MIA2: variants seen among roughly 807,000 people sequenced by gnomAD.
MIA2 encodes the protein MIA SH3 domain ER export factor 2.
MIA2 carries 127 observed loss-of-function variants against 167.8 expected under a neutral mutation model. That is an observed-to-expected ratio of 0.76 (90% CI 0.66 to 0.88). MIA2 has a LOEUF of 0.88. Ranked by LOEUF, MIA2 falls within the 40% of genes least tolerant of loss-of-function variation. The pLI is 0.00. For synonymous variants in MIA2, 552 were observed against 541.9 expected, an observed-to-expected ratio of 1.02 and a Z score of -0.26; for missense variants, 1,690 against 1,624.7, an observed-to-expected ratio of 1.04 and a Z score of -0.69.
chr14:39,384,500 A>AT (rs1056317194), intron 23 of MIA2, among the ~76,000 whole-genome samples: 1 of 152,054 alleles, frequency 6.6e-6, no homozygotes, highest in African/African-American at 2.4e-5. Flanking sequence ...TTCAAGTCTT[A>AT]TTTTTTTAAT....
intron 23 of MIA2, among the ~76,000 whole-genome samples, chr14:39,363,709 T>G (rs2074750584): frequency 6.6e-6 from 1 of 152,240 alleles, no homozygotes; most frequent in Admixed American, 6.5e-5. Flanking sequence ...TGGGTACATA[T>G]GTATTTAGAA....
chr14:39,364,831 G>A (rs1265906340), intron 23 of MIA2, among the ~76,000 whole-genome samples: 3 of 147,062 alleles, frequency 2.0e-5, no homozygotes, highest in Non-Finnish European at 4.4e-5. Context: ...TATTTTGATG[G>A]GGATTCCCTT....
intron 6 of MIA2, among the ~76,000 whole-genome samples, chr14:39,259,836 T>A (rs1263734556): frequency 1.3e-5 from 2 of 151,732 alleles, no homozygotes; most frequent in Non-Finnish European, 2.9e-5. Flanking sequence ...TAGGTATCTC[T>A]CCTAATGCTA....
chr14:39,339,005 C>T (rs1423746697), intron 25 of MIA2, among the ~76,000 whole-genome samples: 1 of 152,154 alleles, frequency 6.6e-6, no homozygotes, highest in Non-Finnish European at 1.5e-5. Flanking sequence ...TTTCATGGAG[C>T]CCAGTTTTTC....
intron 26 of MIA2, chr14:39,347,511 C>T: frequency 1.8e-6 from 1 of 556,468 alleles, no homozygotes; most frequent in South Asian, 2.2e-5. Context: ...AAATAATTGC[C>T]ACATGCCATC....
intron 9 of MIA2, among the ~76,000 whole-genome samples, chr14:39,290,654 TAAAAATAC>T (rs2060611322): frequency 6.6e-6 from 1 of 152,212 alleles, no homozygotes; most frequent in Non-Finnish European, 1.5e-5. Context: ...ACAGCTTACG[TAAAAATAC>T]GCTCTTTGAG....
chr14:39,304,619 C>A (rs1191248276), intron 17 of MIA2, among the ~76,000 whole-genome samples: 1 of 152,046 alleles, frequency 6.6e-6, no homozygotes, highest in Non-Finnish European at 1.5e-5. Flanking sequence ...TTTTAAAAAA[C>A]ATGTAAAACC....
At chr14:39,331,249 G>A (rs117255274) in intron 25 of MIA2, among the ~76,000 whole-genome samples, 26,388 of 152,022 alleles carry the variant, frequency 0.17, 2,457 homozygotes, top group Middle Eastern at 0.28. Context: ...TTGGTTTCAA[G>A]TCTTTTTTAT....
intron 13 of MIA2, among the ~76,000 whole-genome samples, chr14:39,297,343 C>T (rs533272186): frequency 5.3e-5 from 8 of 152,106 alleles, no homozygotes; most frequent in Admixed American, 2.0e-4. Context: ...CTGCTTGCCT[C>T]GGCCTCCCAA....
At chr14:39,356,046 A>G (rs1021193551), downstream of MIA2, among the ~76,000 whole-genome samples, 2 of 152,184 alleles carry the variant, frequency 1.3e-5, no homozygotes, top group African/African-American at 2.4e-5. Flanking sequence ...AGGCTTTGGT[A>G]TCAGGATGAT....
chr14:39,328,950 C>T (rs546718542), intron 25 of MIA2, among the ~76,000 whole-genome samples: 1 of 152,138 alleles, frequency 6.6e-6, no homozygotes, highest in Admixed American at 6.5e-5. Context: ...GATATATGGG[C>T]TTTTTTTTGC....
Position 39,247,894 on chromosome 14 carries a change from C to T in MIA2, c.1320C>T (p.Asp440=). The change falls in exon 4 of 29, where the codon GAC becomes GAT. Residue 440 remains aspartate (D), a synonymous_variant. Coordinates refer to ENST00000640607, the MANE Select transcript of MIA2 (RefSeq NM_001329214.4). ...IKIIETEDQI[D]KKPVSEKTDE... Reference sequence around the variant, plus strand: ...TTATAGAAACAGAAGATCAAATAGACAAGAAACCAGTCTCAGAAAAAACAG... The same window carrying T: ...TTATAGAAACAGAAGATCAAATAGATAAGAAACCAGTCTCAGAAAAAACAG... 1.3e-6 allele frequency: 2 copies of T among 1,589,172 alleles called. No individual in the cohort carries two copies. The highest frequency in any genetic ancestry group is 8.5e-7 in the Non-Finnish European group (1 of 1,173,996).
intron 25 of MIA2, 131 bp from the exon 26 acceptor site, chr14:39,345,773 G>C (rs2073103764): frequency 3.0e-6 from 2 of 672,432 alleles, no homozygotes; most frequent in Non-Finnish European, 4.9e-6. Flanking sequence ...ATTGTCTACT[G>C]TTGTCAACCA....
At position 39,247,576 on chromosome 14, in the gene MIA2, C is replaced by T; in HGVS notation, c.1002C>T (p.Ser334=). 6.2e-7 allele frequency: 1 copy of T among 1,613,952 alleles called. No homozygotes were observed. Among genetic ancestry groups the T allele is most frequent in the Non-Finnish European group, 8.5e-7 (1 of 1,179,988 alleles). The change falls in exon 4 of 29, where the codon AGC becomes AGT. Residue 334 remains serine, a synonymous_variant. Coordinates refer to ENST00000640607, the MANE Select transcript of MIA2 (RefSeq NM_001329214.4). ...DTGLELIAEE[S]NPPLQDFPNS... ...GGCTTGAATTAATAGCTGAAGAAAGCAATCCACCACTACAAGATTTTCCCA... is the reference window on the plus strand; with the variant it reads ...GGCTTGAATTAATAGCTGAAGAAAGTAATCCACCACTACAAGATTTTCCCA...
chr14:39,290,978 C>T, intron 9 of MIA2, 41 bp from the exon 10 acceptor site: 2 of 1,526,576 alleles, frequency 1.3e-6, no homozygotes, highest in South Asian at 1.2e-5. Flanking sequence ...ATTTAGAATA[C>T]AATTGGTAGA....
At chr14:39,288,578 G>A (rs1382712161) in intron 9 of MIA2, among the ~76,000 whole-genome samples, 3 of 149,090 alleles carry the variant, frequency 2.0e-5, no homozygotes, top group Non-Finnish European at 4.4e-5. Context: ...GGGTTCAAGC[G>A]ATTCTCCTGC....
chr14:39,269,074 G>GTTTTTTTTTTTTTTTTTTTTTTTTT (rs3065036), intron 6 of MIA2: 1 of 502,178 alleles, frequency 2.0e-6, no homozygotes, highest in Admixed American at 1.5e-4. Context: ...CACCTGCACA[G>GTTTTTTTTTTTTTTTTTTTTTTTTT]TTTTTTTTTT....
chr14:39,270,270 C>T (rs1428776892), intron 6 of MIA2, among the ~76,000 whole-genome samples: 36 of 143,792 alleles, frequency 2.5e-4, no homozygotes, highest in African/African-American at 8.3e-4. Context: ...GGCATGATCT[C>T]GGCTCACTGC....
At chr14:39,379,822 C>T (rs2075117606) in intron 23 of MIA2, among the ~76,000 whole-genome samples, 1 of 152,054 alleles carries the variant, frequency 6.6e-6, no homozygotes, top group African/African-American at 2.4e-5. Flanking sequence ...TGCATTCTAG[C>T]CTGGGCAACA....
Sources: gnomAD v4.1 joint callset for allele counts (sites outside exome capture counted in the v4.1 genomes callset) on GRCh38, gnomAD v4.1.1 for gene constraint, MANE v1.5 for transcripts, NCBI Gene and HGNC (gene_info 2026-07-23, HGNC 2026-07-21) for gene names.